Variants in PTPN13 observed in about 807,000 individuals in gnomAD.
The protein encoded by PTPN13 is protein tyrosine phosphatase non-receptor type 13.
PTPN13 carries 191 observed loss-of-function variants against 284.0 expected under a neutral mutation model. That is an observed-to-expected ratio of 0.67 (90% confidence interval 0.60 to 0.76). The LOEUF (loss-of-function observed/expected upper bound fraction) is 0.76, where lower values mean the gene tolerates loss of function less well. Ranked by LOEUF, PTPN13 falls within the 30% of genes least tolerant of loss-of-function variation. PTPN13 has a pLI of 0.00. For missense variants in PTPN13, 2,797 were observed against 2,939.9 expected (o/e 0.95, Z 1.12); for synonymous variants, 986 against 1,022.3 (o/e 0.96, Z 0.68).
rs78560926 is a variant in PTPN13, at chr4:86,598,037, A to G, written c.-6+3248A>G. The stretch of plus-strand genomic sequence containing the variant: ...CTCAAAGAAAATCCTTCTGCATAGT[A>G]TAAAAAGTGTGGAGGACTGCTGTCT... On this transcript the variant is annotated intron_variant, in intron 1 of 47. Transcript: ENST00000411767. 3.9e-3 allele frequency among the ~76,000 whole-genome samples: 601 copies of G among 152,348 alleles called. 1 individual carries two copies. The highest frequency in any genetic ancestry group is 0.014 in the African/African-American group (573 of 41,584).
chr4:86,647,643 C>T (rs553593271), intron 2 of PTPN13, among the ~76,000 whole-genome samples: 17 of 152,062 alleles, frequency 1.1e-4, no homozygotes, highest in African/African-American at 2.9e-4. Flanking sequence ...AAGTCCTAAC[C>T]CCTAATAACC....
At chr4:86,765,310 A>G in intron 25 of PTPN13, 85 bp from the exon 26 acceptor site, 3 of 954,632 alleles carry the variant, frequency 3.1e-6, no homozygotes, top group South Asian at 3.0e-5. Context: ...TGCTTTGGCT[A>G]ATGAATCCTT....
At chr4:86,690,555 T>A (rs966642533) in intron 5 of PTPN13, among the ~76,000 whole-genome samples, 2 of 152,102 alleles carry the variant, frequency 1.3e-5, no homozygotes, top group African/African-American at 4.8e-5. Flanking sequence ...AGACTAATAT[T>A]CTTTAAAACT....
At chr4:86,627,359 A>C (rs1721951732) in intron 1 of PTPN13, among the ~76,000 whole-genome samples, 1 of 152,168 alleles carries the variant, frequency 6.6e-6, no homozygotes, top group South Asian at 2.1e-4. Flanking sequence ...TAACTTTTAG[A>C]AAACAAATTT....
chr4:86,799,375 C>T (rs1344043030), intron 42 of PTPN13, among the ~76,000 whole-genome samples, 171 bp downstream of exon 42: 5 of 142,952 alleles, frequency 3.5e-5, no homozygotes, highest in Admixed American at 7.1e-5. Context: ...GGGGCGATCT[C>T]GGCTCACTAC....
rs561975827 is a variant in PTPN13 at position 86,759,108 on chromosome 4, T to C, written c.3553+35T>C. The C allele has an allele frequency of 5.0e-6, 8 of 1,595,014 alleles. No individual in the cohort carries two copies. The East Asian group carries it at 1.8e-4, about 36-fold the overall frequency. ...ATGTCTCTTACTTATGTATTCTGTT[T>C]CACTTTTCTGTCTCATTCCTTTTTA... is the stretch of plus-strand genomic sequence containing the variant. On this transcript the variant is annotated intron_variant, in intron 23 of 47. Coordinates refer to ENST00000411767, the MANE Select transcript of PTPN13 (RefSeq NM_080683.3).
At chr4:86,693,534 A>G in intron 5 of PTPN13, 53 bp from the exon 6 acceptor site, 9 of 1,243,816 alleles carry the variant, frequency 7.2e-6, no homozygotes, top group Non-Finnish European at 1.0e-5. Context: ...GTTACCATGA[A>G]AACAAAAGGG....
intron 1 of PTPN13, chr4:86,595,819 TTATATC>T (rs1763688410): frequency 1.1e-6 from 1 of 936,952 alleles, no homozygotes; most frequent in Admixed American, 6.2e-5. Flanking sequence ...ATTTTAAAAT[TTATATC>T]TAGAAAGTTT....
chr4:86,704,059 T>G (rs950732274), intron 7 of PTPN13, among the ~76,000 whole-genome samples: 2 of 151,842 alleles, frequency 1.3e-5, no homozygotes, highest in Non-Finnish European at 2.9e-5. Context: ...ATGCCTGTAA[T>G]CCCAGCTACT....
chr4:86,602,708 T>G (rs1764407716), intron 1 of PTPN13, among the ~76,000 whole-genome samples: 1 of 151,880 alleles, frequency 6.6e-6, no homozygotes, highest in Non-Finnish European at 1.5e-5. Flanking sequence ...TTTTTTTTTT[T>G]TTGAGACAAG....
intron 2 of PTPN13, among the ~76,000 whole-genome samples, chr4:86,652,936 T>C (rs1725265586): frequency 6.6e-6 from 1 of 151,982 alleles, no homozygotes; most frequent in Non-Finnish European, 1.5e-5. Context: ...TTCTTTTTTA[T>C]TCTTTCTTAT....
chr4:86,773,010 G>A lies in PTPN13; in HGVS notation c.5349+52G>A, dbSNP rs193094231. 6,031 of 1,331,288 alleles carry A rather than the reference G, an allele frequency of 4.5e-3. 22 individuals are homozygous for A. Among genetic ancestry groups the A allele is most frequent in the Non-Finnish European group, 5.1e-3 (5,119 of 999,786 alleles). 82.5% of individuals were successfully genotyped at this position (1,331,288 alleles called of 1,614,324 possible). A position where few individuals can be genotyped will look rare whatever the true frequency, so the allele number is the denominator to read the frequency against. ...AAAAATCCATATTTTTTAAAAGAAG[G>A]TGTGTTCATAAAGTTTCCCTTTAGG... On this transcript the variant is annotated intron_variant, in intron 32 of 47. Coordinates refer to ENST00000411767, the MANE Select transcript of PTPN13 (RefSeq NM_080683.3).
At chr4:86,732,499 C>T (rs1329560843) in intron 11 of PTPN13, 25 bp downstream of exon 11, 1 of 1,592,298 alleles carries the variant, frequency 6.3e-7, no homozygotes, top group Non-Finnish European at 8.6e-7. Context: ...CAATTTGTGT[C>T]ACTCTTAGAA....
At chr4:86,619,758 T>C (rs1721003314) in intron 1 of PTPN13, among the ~76,000 whole-genome samples, 1 of 151,814 alleles carries the variant, frequency 6.6e-6, no homozygotes, top group African/African-American at 2.4e-5. Flanking sequence ...TTTCTTTTTC[T>C]TTTTTCTTTT....
intron 40 of PTPN13, among the ~76,000 whole-genome samples, 176 bp from the exon 41 acceptor site, chr4:86,796,697 TG>T (rs1309735751): frequency 6.6e-6 from 1 of 152,168 alleles, no homozygotes; most frequent in Non-Finnish European, 1.5e-5. Flanking sequence ...CAAAGACTGT[TG>T]GGCCACTGAT....
chr4:86,798,545 A>G (rs1743626352), intron 41 of PTPN13, among the ~76,000 whole-genome samples: 1 of 151,968 alleles, frequency 6.6e-6, no homozygotes, highest in South Asian at 2.1e-4. Flanking sequence ...TCTCCTACCT[A>G]GTTTCTCTTT....
At position 86,814,594 on chromosome 4, in the gene PTPN13, C is replaced by T. The variant is rs1261291281; in HGVS notation, c.*43C>T. ...GATGCATTTCCATTTCTCTCCTTAACCTCCAGCAGACTCCTGCTCTCTATC... is the reference window on the plus strand; with the variant it reads ...GATGCATTTCCATTTCTCTCCTTAATCTCCAGCAGACTCCTGCTCTCTATC... On this transcript the variant is annotated 3_prime_UTR_variant, in exon 48 of 48. Transcript: ENST00000411767. 17 of 1,486,588 alleles carry T rather than the reference C, an allele frequency of 1.1e-5. No homozygotes were observed. Among genetic ancestry groups the T allele is most frequent in the Non-Finnish European group, 1.6e-5 (17 of 1,066,924 alleles). The allele number at this position is 1,486,588 out of a possible 1,614,324, so 92.1% of individuals were successfully genotyped here.
chr4:86,724,837 C>A (rs2149099110), intron 10 of PTPN13, among the ~76,000 whole-genome samples: 1 of 151,030 alleles, frequency 6.6e-6, no homozygotes, highest in East Asian at 1.9e-4. Flanking sequence ...TATTATTATA[C>A]TTTAAGTTCT....
At chr4:86,654,346 C>T (rs1329794664) in intron 2 of PTPN13, among the ~76,000 whole-genome samples, 4 of 152,168 alleles carry the variant, frequency 2.6e-5, no homozygotes, top group Non-Finnish European at 5.9e-5. Flanking sequence ...GGGGATATCA[C>T]CACTGATCCC....
Sources: gnomAD v4.1 joint callset for allele counts (sites outside exome capture counted in the v4.1 genomes callset) on GRCh38, gnomAD v4.1.1 for gene constraint, MANE v1.5 for transcripts, NCBI Gene and HGNC (gene_info 2026-07-23, HGNC 2026-07-21) for gene names.